ABCA1: variants seen among roughly 807,000 people sequenced by gnomAD.
ABCA1 encodes ATP binding cassette subfamily A member 1.
Under a neutral mutation model 262.5 loss-of-function variants are expected in ABCA1, and 133 were observed. That is an observed-to-expected ratio of 0.51 (90% confidence interval 0.44 to 0.59). The LOEUF (loss-of-function observed/expected upper bound fraction) is 0.59. Among genes scored for constraint, ABCA1 ranks in the 20% least tolerant of loss-of-function variants. ABCA1 has a pLI of 0.00. For missense variants in ABCA1, 2,452 were observed against 2,777.5 expected, an observed-to-expected ratio of 0.88 and a Z score of 2.63; for synonymous variants, 1,022 against 1,043.5, an observed-to-expected ratio of 0.98 and a Z score of 0.40.
At chr9:104,798,161 C>T (rs1830056006) in intron 37 of ABCA1, among the ~76,000 whole-genome samples, 1 of 152,160 alleles carries the variant, frequency 6.6e-6, no homozygotes, top group South Asian at 2.1e-4. Flanking sequence ...GGAAAGTTGT[C>T]ACATAGGAAC....
chr9:104,854,380 C>T (rs1835651698), intron 7 of ABCA1, among the ~76,000 whole-genome samples: 1 of 152,154 alleles, frequency 6.6e-6, no homozygotes, highest in Non-Finnish European at 1.5e-5. Context: ...CTACTGTATC[C>T]TGGCTTCTGG....
In ABCA1 at chr9:104,818,724, T is replaced by A. The variant is rs1832004036; in HGVS notation, c.3401A>T (p.Asp1134Val). 1.2e-6 allele frequency: 2 copies of A among 1,613,620 alleles called. No individual in the cohort carries two copies. Among genetic ancestry groups the A allele is most frequent in the South Asian group, 1.1e-5 (1 of 91,060 alleles). Reference protein sequence around the residue: ...TGYYLTLVKKDVESSLSSCRN... With the variant: ...TGYYLTLVKKVVESSLSSCRN... ...GCAGGAACTGAGGGAGGATTCCACA[T>A]CTTTCTTGACCAAGGTCAGGTAGTA... is the stretch of plus-strand genomic sequence containing the variant. The change falls in exon 23 of 50, where the codon GAT becomes GTT. Residue 1134 changes from aspartate to valine, a missense_variant. Physicochemically the swap from Asp to Val is radical, Grantham distance 152. Coordinates refer to ENST00000374736, the MANE Select transcript of ABCA1 (RefSeq NM_005502.4).
Position 104,829,014 on chromosome 9 carries a change from T to C in ABCA1, c.2017A>G (p.Ile673Val), listed in dbSNP as rs1020205799. The change falls in exon 15 of 50, where the codon ATC (isoleucine) becomes GTC (valine). Residue 673 changes from isoleucine to valine, a missense_variant. This residue lies in a region of ABCA1 where 1,032 missense variants were observed against 1,089.7 expected (regional missense o/e 0.95). Transcript: ENST00000374736. ...AGGATGCTGTTGTCCAGGCCCATGA[T>C]CCGCATGGTCTCTTTCAGCCGTGCC... is the stretch of plus-strand genomic sequence containing the variant. ...KEARLKETMR[I>V]MGLDNSILWF... 1.9e-6 allele frequency: 3 copies of C among 1,614,036 alleles called. No homozygotes were observed. In the South Asian group the frequency reaches 3.3e-5, roughly 18 times the overall value.
intron 7 of ABCA1, among the ~76,000 whole-genome samples, chr9:104,853,674 TCTC>T (rs1835578394): frequency 1.3e-5 from 2 of 152,126 alleles, no homozygotes; most frequent in Admixed American, 1.3e-4. Context: ...TCAGAGATGT[TCTC>T]CTCCCAAAGT....
At position 104,872,478 on chromosome 9, in the gene ABCA1, TACA is replaced by T. The variant is rs200042602; in HGVS notation, c.421+10558_421+10560del. 9.8e-5 allele frequency among the ~76,000 whole-genome samples: 15 copies of T among 152,318 alleles called. No homozygotes were observed. In the East Asian group the frequency reaches 2.9e-3, roughly 29 times the overall value. ...CTAGGAGTCAGACCCCGATTCAACG[TACA>T]ACTTTACTCTTTAATCTTGGACAAC... On this transcript the variant is annotated intron_variant, in intron 5 of 49. Coordinates refer to ENST00000374736, the MANE Select transcript of ABCA1 (RefSeq NM_005502.4).
intron 12 of ABCA1, among the ~76,000 whole-genome samples, chr9:104,832,044 G>T (rs1588338462): frequency 6.6e-6 from 1 of 152,130 alleles, no homozygotes; most frequent in South Asian, 2.1e-4. Flanking sequence ...TTAGGGATAT[G>T]TTATTTATTG....
intron 40 of ABCA1, 117 bp downstream of exon 40, chr9:104,794,270 G>T (rs1225153704): frequency 2.5e-5 from 37 of 1,501,294 alleles, no homozygotes; most frequent in South Asian, 2.3e-5. Flanking sequence ...GGGCATGGGG[G>T]TGGGGGAACA....
chr9:104,857,197 G>A (rs776197783), intron 7 of ABCA1, among the ~76,000 whole-genome samples: 23 of 152,024 alleles, frequency 1.5e-4, no homozygotes, highest in Admixed American at 3.9e-4. Context: ...CCAGGTACTC[G>A]GAGGCTGAGG....
At position 104,791,989 on chromosome 9, in the gene ABCA1, T is replaced by C. The variant is rs755219852; in HGVS notation, c.5767A>G (p.Arg1923Gly). 3.1e-6 allele frequency: 5 copies of C among 1,613,100 alleles called. No homozygotes were observed. The African/African-American group carries it at 5.3e-5, about 17-fold the overall frequency. ...CTGTCAACAGCAGGCTTCCGCTTCC[T>C]TCTATATATCTGCAACAAACAAAAT... ...EIKELTKIYR[R>G]KRKPAVDRIC... The change falls in exon 43 of 50, where the codon AGG becomes GGG. Residue 1923 changes from arginine (R) to glycine (G), a missense_variant. Physicochemically the swap from Arg to Gly is moderately radical, Grantham distance 125. Coordinates refer to ENST00000374736, the MANE Select transcript of ABCA1 (RefSeq NM_005502.4).
At chr9:104,811,798 C>G (rs1831305061) in intron 28 of ABCA1, among the ~76,000 whole-genome samples, 1 of 152,142 alleles carries the variant, frequency 6.6e-6, no homozygotes, top group Middle Eastern at 3.2e-3. Flanking sequence ...TCATCATCAA[C>G]AAACAAAGGT....
At chr9:104,874,015 C>A (rs915493509) in intron 5 of ABCA1, among the ~76,000 whole-genome samples, 4 of 152,180 alleles carry the variant, frequency 2.6e-5, no homozygotes, top group African/African-American at 9.7e-5. Context: ...TCCCTCAACT[C>A]CCTGCCACAG....
At chr9:104,830,426 AC>A (rs1370846325) in intron 14 of ABCA1, among the ~76,000 whole-genome samples, 2 of 152,178 alleles carry the variant, frequency 1.3e-5, no homozygotes, top group Admixed American at 1.3e-4. Flanking sequence ...GCAGTGGCTC[AC>A]ACCTGTAATC....
intron 37 of ABCA1, among the ~76,000 whole-genome samples, chr9:104,796,962 A>G (rs1195489311): frequency 6.6e-6 from 1 of 152,258 alleles, no homozygotes; most frequent in African/African-American, 2.4e-5. Context: ...GACAATTATG[A>G]GAATTCACAG....
Position 104,826,830 on chromosome 9 carries a change from G to T in ABCA1, c.2337+118C>A, listed in dbSNP as rs144961952. On this transcript the variant is annotated intron_variant, in intron 16 of 49. Coordinates refer to ENST00000374736, the MANE Select transcript of ABCA1 (RefSeq NM_005502.4). Reference sequence around the variant, plus strand: ...AAAGAGCTTAGAATCTAGAGCTAAGGTTCATGTCCCATTGGAAAAGACAAT... The same window carrying T: ...AAAGAGCTTAGAATCTAGAGCTAAGTTTCATGTCCCATTGGAAAAGACAAT... The T allele has an allele frequency of 2.5e-3, 2,330 of 947,228 alleles. 37 individuals carry two copies. The African/African-American group carries it at 0.034, about 14-fold the overall frequency. The allele number at this position is 947,228 out of a possible 1,614,324, so 58.7% of individuals were successfully genotyped here.
At chr9:104,865,172 C>T (rs184702390) in intron 5 of ABCA1, among the ~76,000 whole-genome samples, 5 of 152,174 alleles carry the variant, frequency 3.3e-5, no homozygotes, top group South Asian at 2.1e-4. Flanking sequence ...CATGACTGCC[C>T]GTTAGACTCA....
intron 6 of ABCA1, 116 bp downstream of exon 6, chr9:104,861,563 C>G: frequency 7.0e-7 from 1 of 1,434,946 alleles, no homozygotes; most frequent in South Asian, 1.2e-5. Context: ...TGTATTCAAA[C>G]TACCTCCCTC....
chr9:104,871,751 T>C (rs1837625711), intron 5 of ABCA1, among the ~76,000 whole-genome samples: 1 of 151,534 alleles, frequency 6.6e-6, no homozygotes, highest in African/African-American at 2.4e-5. Flanking sequence ...AGATAGGAAG[T>C]ATGAAGAAAC....
At chr9:104,877,480 G>A (rs555124073) in intron 5 of ABCA1, among the ~76,000 whole-genome samples, 1 of 152,318 alleles carries the variant, frequency 6.6e-6, no homozygotes, top group South Asian at 2.1e-4. Flanking sequence ...TCCAAGTACT[G>A]ACCAAGTTTC....
intron 1 of ABCA1, among the ~76,000 whole-genome samples, chr9:104,925,210 C>G (rs138970436): frequency 6.6e-6 from 1 of 152,210 alleles, no homozygotes; most frequent in Non-Finnish European, 1.5e-5. Context: ...AACTCTGTCT[C>G]TACTGAAAAT....
Sources: gnomAD v4.1 joint callset for allele counts (sites outside exome capture counted in the v4.1 genomes callset) on GRCh38, gnomAD v4.1.1 for gene constraint, gnomAD v4.1.1 regional missense constraint, MANE v1.5 for transcripts, NCBI Gene and HGNC (gene_info 2026-07-23, HGNC 2026-07-21) for gene names.